The following GEMIN2 variants were observed in gnomAD, a reference collection of about 807,000 sequenced individuals.
GEMIN2 encodes the protein gem nuclear organelle associated protein 2.
GEMIN2 carries 37 observed loss-of-function variants against 45.8 expected under a neutral mutation model. That is an observed-to-expected ratio of 0.81 (90% CI 0.62 to 1.06). The LOEUF (loss-of-function observed/expected upper bound fraction) is 1.06. Among genes scored for constraint, GEMIN2 ranks in the 50% least tolerant of loss-of-function variants. GEMIN2 has a pLI of 0.00. For synonymous variants in GEMIN2, 101 were observed against 111.5 expected (o/e 0.91, Z 0.60); for missense variants, 335 against 321.8 (o/e 1.04, Z -0.31).
chr14:39,114,519 G>A (rs753193683), intron 1 of GEMIN2, 44 bp downstream of exon 1: 23 of 1,451,352 alleles, frequency 1.6e-5, no homozygotes, highest in African/African-American at 9.8e-5. Flanking sequence ...CTTCTGCCCT[G>A]CCCCTGGGTA....
At chr14:39,134,666 T>C (rs1441875516) in intron 9 of GEMIN2, among the ~76,000 whole-genome samples, 1 of 152,218 alleles carries the variant, frequency 6.6e-6, no homozygotes, top group Non-Finnish European at 1.5e-5. Flanking sequence ...GCCAAGCATT[T>C]TTCTTAGTGA....
intron 3 of GEMIN2, 118 bp downstream of exon 3, chr14:39,118,206 C>A: frequency 4.0e-6 from 2 of 501,602 alleles, no homozygotes; most frequent in Non-Finnish European, 3.5e-6. Context: ...GAATTAATTA[C>A]CAAATTATTT....
intron 2 of GEMIN2, among the ~76,000 whole-genome samples, chr14:39,116,586 A>G (rs2052510464): frequency 1.4e-5 from 2 of 143,150 alleles, no homozygotes; most frequent in African/African-American, 5.2e-5. Flanking sequence ...CATTTTAAAT[A>G]GTTGATAGTA....
rs1358867807 is a variant in GEMIN2 at position 39,114,885 on chromosome 14, TGAAAAG to T, written c.198_203del (p.Arg67_Lys68del). ...GTAGCTCAAATTGACCCAAAGAAGT[TGAAAAG>T]GAAGCAAAGTGTGAATATTTCTGTG... On this transcript the variant is annotated inframe_deletion, in exon 2 of 10. Coordinates refer to ENST00000308317, the MANE Select transcript of GEMIN2 (RefSeq NM_003616.3). 1 of 1,565,628 alleles carries T rather than the reference TGAAAAG, an allele frequency of 6.4e-7. No homozygotes were observed. Among genetic ancestry groups the T allele is most frequent in the African/African-American group, 1.4e-5 (1 of 73,958 alleles).
chr14:39,119,278 A>G (rs1393333219), intron 4 of GEMIN2, among the ~76,000 whole-genome samples: 3 of 152,230 alleles, frequency 2.0e-5, no homozygotes, highest in African/African-American at 7.2e-5. Context: ...ACATGTTTAC[A>G]GAACTTGTGA....
intron 2 of GEMIN2, among the ~76,000 whole-genome samples, chr14:39,115,963 T>C (rs1200499696): frequency 6.6e-6 from 1 of 152,144 alleles, no homozygotes; most frequent in East Asian, 1.9e-4. Context: ...ATTGTGATTA[T>C]TGCTATGAAG....
At chr14:39,121,002 A>T (rs1405366412) in intron 4 of GEMIN2, among the ~76,000 whole-genome samples, 1 of 152,204 alleles carries the variant, frequency 6.6e-6, no homozygotes, top group Non-Finnish European at 1.5e-5. Flanking sequence ...GCTTCTCCCA[A>T]ATAGTCCTGC....
At chr14:39,116,608 A>G (rs887600268) in intron 2 of GEMIN2, among the ~76,000 whole-genome samples, 2 of 43,772 alleles carry the variant, frequency 4.6e-5, no homozygotes, top group Non-Finnish European at 8.9e-5. Flanking sequence ...TTTCCTTTTC[A>G]TGCTCAAAGT....
chr14:39,119,183 A>G (rs898268728), intron 4 of GEMIN2, among the ~76,000 whole-genome samples: 1 of 152,218 alleles, frequency 6.6e-6, no homozygotes, highest in African/African-American at 2.4e-5. Context: ...CTAGGAAATA[A>G]ATACATTTTC....
intron 7 of GEMIN2, among the ~76,000 whole-genome samples, chr14:39,130,032 C>T (rs1209826283): frequency 3.3e-5 from 5 of 149,288 alleles, no homozygotes; most frequent in African/African-American, 1.2e-4. Flanking sequence ...CCTCTGCCTC[C>T]CAAGTTCAAG....
Position 39,136,544 on chromosome 14 carries a change from A to G in GEMIN2, c.*65A>G, listed in dbSNP as rs1001497375. On this transcript the variant is annotated 3_prime_UTR_variant, in exon 10 of 10. Coordinates refer to ENST00000308317, the MANE Select transcript of GEMIN2 (RefSeq NM_003616.3). ...AGGCAGCCTAACTCTGAGGAAAACAATGCCAATTCAAGTACAGATTTCAAC... is the reference window on the plus strand; with the variant it reads ...AGGCAGCCTAACTCTGAGGAAAACAGTGCCAATTCAAGTACAGATTTCAAC... 4.7e-6 allele frequency: 6 copies of G among 1,284,638 alleles called. No homozygotes were observed. In the Admixed American group the frequency reaches 5.2e-5, roughly 11 times the overall value. The allele number at this position is 1,284,638 out of a possible 1,614,324, so 79.6% of individuals were successfully genotyped here. A position where few individuals can be genotyped will look rare whatever the true frequency, so the allele number is the denominator to read the frequency against.
At chr14:39,133,008 ATG>A (rs1271818920) in intron 8 of GEMIN2, among the ~76,000 whole-genome samples, 791 of 67,744 alleles carry the variant, frequency 0.012, 7 homozygotes, top group Middle Eastern at 0.031. Context: ...GTGTATATAT[ATG>A]TGTGTGTGTG....
rs1594509387 is a variant in GEMIN2, at chr14:39,118,240, G to C, written c.312+152G>C. On this transcript the variant is annotated intron_variant, in intron 3 of 9. Coordinates refer to ENST00000308317, the MANE Select transcript of GEMIN2 (RefSeq NM_003616.3). Reference sequence around the variant, plus strand: ...TTTTATAATCATTAGACATGATACAGTTTGAAATATTTTCTAAGTTTTGTT... The same window carrying C: ...TTTTATAATCATTAGACATGATACACTTTGAAATATTTTCTAAGTTTTGTT... 3 of 503,696 alleles carry C rather than the reference G, an allele frequency of 6.0e-6. No homozygotes were observed. In the East Asian group the frequency reaches 9.3e-5, roughly 16 times the overall value. 31.2% of individuals were successfully genotyped at this position (503,696 alleles called of 1,614,324 possible).
intron 7 of GEMIN2, among the ~76,000 whole-genome samples, chr14:39,129,643 C>CCT (rs1445893057): frequency 2.6e-5 from 4 of 152,082 alleles, no homozygotes; most frequent in Non-Finnish European, 5.9e-5. Context: ...GAACTCATGA[C>CCT]CTCAGGTGAT....
chr14:39,132,721 G>A (rs1230984113), intron 8 of GEMIN2, among the ~76,000 whole-genome samples: 2 of 129,170 alleles, frequency 1.5e-5, no homozygotes, highest in African/African-American at 5.7e-5. Context: ...CTCTGTCACC[G>A]AGGCTGGAGT....
At chr14:39,118,137 T>A in intron 3 of GEMIN2, 49 bp downstream of exon 3, 1 of 949,914 alleles carries the variant, frequency 1.1e-6, no homozygotes, top group Non-Finnish European at 1.6e-6. Context: ...TTTATTTCTG[T>A]TCTTAGACTG....
intron 8 of GEMIN2, among the ~76,000 whole-genome samples, chr14:39,133,196 A>C (rs71204288): frequency 0.2 from 28,957 of 146,598 alleles, 3,683 homozygotes; most frequent in Middle Eastern, 0.34. Flanking sequence ...ATAGAGGAAC[A>C]ATAAGAATCC....
chr14:39,132,111 T>C (rs1566537316), intron 8 of GEMIN2, 43 bp downstream of exon 8: 1 of 865,484 alleles, frequency 1.2e-6, no homozygotes, highest in Non-Finnish European at 2.0e-6. Flanking sequence ...CACCCACCAA[T>C]TTATATGGTG....
At position 39,136,424 on chromosome 14, in the gene GEMIN2, G is replaced by GTT; in HGVS notation, c.771-7_771-6dup. On this transcript the variant is annotated splice_polypyrimidine_tract_variant and intron_variant, in intron 9 of 9. Transcript: ENST00000308317. Reference sequence around the variant, plus strand: ...TAATATCTTTATACATAAATTTTTTGTTTTTTTTTTACTAGGTATTTTGAC... The same window carrying GTT: ...TAATATCTTTATACATAAATTTTTTGTTTTTTTTTTTTACTAGGTATTTTGAC... 7.9e-5 allele frequency: 96 copies of GTT among 1,211,002 alleles called. No homozygotes were observed. The highest frequency in any genetic ancestry group is 3.9e-4 in the Middle Eastern group (2 of 5,090). 75.0% of individuals were successfully genotyped at this position (1,211,002 alleles called of 1,614,324 possible).
Sources: gnomAD v4.1 joint callset for allele counts (sites outside exome capture counted in the v4.1 genomes callset) on GRCh38, gnomAD v4.1.1 for gene constraint, MANE v1.5 for transcripts, NCBI Gene and HGNC (gene_info 2026-07-23, HGNC 2026-07-21) for gene names.